The following ZNF385D variants were observed in gnomAD, a reference collection of about 807,000 sequenced individuals.
The protein encoded by ZNF385D is zinc finger protein 385D.
In ZNF385D, 15 loss-of-function variants were observed where a neutral mutation model predicts 35.8. The ratio of observed to expected loss-of-function variants is 0.42; its 90% CI spans 0.28 to 0.64. The LOEUF (loss-of-function observed/expected upper bound fraction) is 0.64. ZNF385D is among the 30% of genes least tolerant of loss of function. The pLI, the probability that ZNF385D is intolerant of heterozygous loss-of-function variation, is 0.23. For synonymous variants in ZNF385D, 212 were observed against 186.8 expected (o/e 1.13, Z -1.10); for missense variants, 474 against 494.6 (o/e 0.96, Z 0.39).
intron 2 of ZNF385D, among the ~76,000 whole-genome samples, chr3:21,612,680 C>A (rs1421087470): frequency 6.6e-6 from 1 of 152,164 alleles, no homozygotes; most frequent in African/African-American, 2.4e-5. Flanking sequence ...ACCATTGACT[C>A]AGAACTCAAA....
chr3:21,653,286 A>ATG (rs1239426501), intron 2 of ZNF385D, among the ~76,000 whole-genome samples: 6 of 152,222 alleles, frequency 3.9e-5, no homozygotes, highest in Admixed American at 2.0e-4. Flanking sequence ...ATGTGTATAT[A>ATG]TGTGTGTATA....
At chr3:21,899,012 T>G (rs568931927) in intron 3 of ZNF385D, among the ~76,000 whole-genome samples, 28 of 152,108 alleles carry the variant, frequency 1.8e-4, no homozygotes, top group Admixed American at 5.9e-4. Flanking sequence ...ATATTCACAT[T>G]AGGGCAAAGT....
At chr3:22,181,893 C>T (rs1012494214) in intron 2 of ZNF385D, among the ~76,000 whole-genome samples, 4 of 151,980 alleles carry the variant, frequency 2.6e-5, no homozygotes, top group African/African-American at 9.7e-5. Flanking sequence ...TATGAGTTTC[C>T]CTGTGAAGAG....
At chr3:21,564,318 TA>T (rs2063063427) in intron 3 of ZNF385D, among the ~76,000 whole-genome samples, 1 of 152,044 alleles carries the variant, frequency 6.6e-6, no homozygotes, top group African/African-American at 2.4e-5. Context: ...CCCAAAAGAC[TA>T]AAAAATAAAT....
intron 6 of ZNF385D, 132 bp downstream of exon 6, chr3:21,425,356 ATGGG>A: frequency 2.4e-6 from 2 of 823,104 alleles, no homozygotes; most frequent in Non-Finnish European, 3.5e-6. Context: ...GGGTTAACAG[ATGGG>A]CAGATGGAGG....
chr3:21,861,026 A>G (rs13321160), intron 3 of ZNF385D, among the ~76,000 whole-genome samples: 3,129 of 152,224 alleles, frequency 0.021, 120 homozygotes, highest in African/African-American at 0.07. Flanking sequence ...ACCTTGCAAT[A>G]CTTAAAATAT....
chr3:21,928,580 A>G (rs1452135644), intron 3 of ZNF385D, among the ~76,000 whole-genome samples: 1 of 152,210 alleles, frequency 6.6e-6, no homozygotes, highest in Non-Finnish European at 1.5e-5. Context: ...TGAAAAGGTT[A>G]AAAAATAATA....
At chr3:22,329,498 CTTACT>C (rs1216966970) in intron 2 of ZNF385D, among the ~76,000 whole-genome samples, 2 of 152,096 alleles carry the variant, frequency 1.3e-5, no homozygotes, top group African/African-American at 4.8e-5. Flanking sequence ...TATAGCTTTA[CTTACT>C]TTATTTATCT....
chr3:21,860,872 G>A (rs1697011073), intron 3 of ZNF385D, among the ~76,000 whole-genome samples: 1 of 152,086 alleles, frequency 6.6e-6, no homozygotes, highest in South Asian at 2.1e-4. Flanking sequence ...CAAATGAAAA[G>A]GGGCAGACTG....
chr3:21,802,489 C>A (rs1394141371), intron 3 of ZNF385D, among the ~76,000 whole-genome samples: 1 of 152,072 alleles, frequency 6.6e-6, no homozygotes, highest in African/African-American at 2.4e-5. Flanking sequence ...GTAAATAATA[C>A]ACTTGAACCA....
intron 3 of ZNF385D, among the ~76,000 whole-genome samples, chr3:21,949,210 G>A (rs1268647329): frequency 6.6e-6 from 1 of 152,068 alleles, no homozygotes; most frequent in East Asian, 1.9e-4. Flanking sequence ...AGAATTTTTG[G>A]CAAAATACTA....
chr3:21,798,126 G>C (rs1196059708), intron 3 of ZNF385D, among the ~76,000 whole-genome samples: 2 of 152,106 alleles, frequency 1.3e-5, no homozygotes, highest in Non-Finnish European at 2.9e-5. Context: ...TGCGTTAGTT[G>C]GGGTATAGGA....
intron 3 of ZNF385D, among the ~76,000 whole-genome samples, chr3:21,820,742 T>C (rs1416782839): frequency 6.6e-6 from 1 of 151,198 alleles, no homozygotes; most frequent in Non-Finnish European, 1.5e-5. Context: ...AAAAGGGATA[T>C]AATTATAGCT....
chr3:21,728,850 T>A (rs921794967), intron 1 of ZNF385D, among the ~76,000 whole-genome samples: 1 of 152,206 alleles, frequency 6.6e-6, no homozygotes, highest in Non-Finnish European at 1.5e-5. Flanking sequence ...TTTTGTATAC[T>A]TCATGTATTG....
chr3:22,335,125 A>T (rs1695106620), intron 2 of ZNF385D, among the ~76,000 whole-genome samples: 1 of 152,170 alleles, frequency 6.6e-6, no homozygotes. Context: ...TGATCATAAT[A>T]TATGAGAAGG....
intron 3 of ZNF385D, among the ~76,000 whole-genome samples, chr3:21,810,958 A>G (rs993756035): frequency 4.3e-5 from 6 of 139,388 alleles, no homozygotes; most frequent in African/African-American, 1.6e-4. Context: ...ACACACACAT[A>G]TGTGTGTGTA....
At chr3:21,950,708 T>G (rs1384234707) in intron 3 of ZNF385D, among the ~76,000 whole-genome samples, 3 of 151,810 alleles carry the variant, frequency 2.0e-5, no homozygotes, top group Admixed American at 1.3e-4. Context: ...TAATCCATCT[T>G]GAGTTAATTT....
intron 3 of ZNF385D, among the ~76,000 whole-genome samples, chr3:22,006,114 G>C (rs1696182044): frequency 6.6e-6 from 1 of 152,112 alleles, no homozygotes; most frequent in South Asian, 2.1e-4. Flanking sequence ...ATGATGATCT[G>C]GGCTTAGATC....
At chr3:22,295,859 C>T (rs532780029) in intron 2 of ZNF385D, among the ~76,000 whole-genome samples, 1 of 152,164 alleles carries the variant, frequency 6.6e-6, no homozygotes, top group South Asian at 2.1e-4. Flanking sequence ...ACGGCCCCTC[C>T]CAATGGCATT....
Sources: gnomAD v4.1 joint callset for allele counts (sites outside exome capture counted in the v4.1 genomes callset) on GRCh38, gnomAD v4.1.1 for gene constraint, MANE v1.5 for transcripts, NCBI Gene and HGNC (gene_info 2026-07-23, HGNC 2026-07-21) for gene names.